Variants in LAMC2 observed in about 807,000 individuals in gnomAD.
The protein encoded by LAMC2 is laminin subunit gamma-2.
In LAMC2, 97 loss-of-function variants were observed where a neutral mutation model predicts 140.2. That is an observed-to-expected ratio of 0.69 (90% confidence interval 0.59 to 0.82). The LOEUF is 0.82. LAMC2 is among the 40% of genes least tolerant of loss of function. The probability of loss-of-function intolerance (pLI) is 0.00; values close to 1 mark genes in which losing one functional copy is unlikely to be tolerated. For missense variants in LAMC2, 1,402 were observed against 1,476.1 expected (o/e 0.95, Z 0.82); for synonymous variants, 513 against 540.2 (o/e 0.95, Z 0.70).
At chr1:183,255,531 T>C in the LAMC2 span, among the ~76,000 whole-genome samples, 1 of 152,212 alleles carries the variant, frequency 6.6e-6, no homozygotes, top group Non-Finnish European at 1.5e-5. Flanking sequence ...TTTAGCAATA[T>C]TAACTTTTCT....
downstream of LAMC2, chr1:183,248,734 C>T (rs2102264289): frequency 6.6e-6 from 1 of 152,296 alleles, no homozygotes; most frequent in East Asian, 1.9e-4. Flanking sequence ...AAAATCGGTC[C>T]CTGTTTCCAT....
At chr1:183,211,221 C>T (rs2102202271) in intron 2 of LAMC2, among the ~76,000 whole-genome samples, 1 of 152,304 alleles carries the variant, frequency 6.6e-6, no homozygotes, top group East Asian at 1.9e-4. Context: ...CTCTTCCAAC[C>T]ACATATTTAA....
chr1:183,198,939 A>T (rs1658613302), intron 1 of LAMC2, among the ~76,000 whole-genome samples: 1 of 151,994 alleles, frequency 6.6e-6, no homozygotes, highest in Admixed American at 6.6e-5. Flanking sequence ...TTCTGTTCCC[A>T]TCTCACCATG....
chr1:183,239,335 A>T (rs779587424), intron 19 of LAMC2, 29 bp from the exon 20 acceptor site: 10 of 1,607,332 alleles, frequency 6.2e-6, no homozygotes, highest in Non-Finnish European at 8.5e-6. Flanking sequence ...TTTCATCTTC[A>T]CGGCAGTTTT....
intron 1 of LAMC2, among the ~76,000 whole-genome samples, chr1:183,200,376 C>T (rs1378670152): frequency 6.8e-6 from 1 of 146,624 alleles, no homozygotes; most frequent in East Asian, 2.0e-4. Context: ...GGCGACAGAA[C>T]GAGACTCTGT....
chr1:183,200,548 G>C (rs1658675238), intron 1 of LAMC2, among the ~76,000 whole-genome samples: 1 of 152,152 alleles, frequency 6.6e-6, no homozygotes, highest in South Asian at 2.1e-4. Flanking sequence ...TACTGATGAT[G>C]ATTATTTCAA....
intron 1 of LAMC2, among the ~76,000 whole-genome samples, chr1:183,204,240 G>A (rs1015084863): frequency 1.1e-4 from 16 of 151,976 alleles, no homozygotes; most frequent in African/African-American, 3.6e-4. Context: ...GCAGTGACCC[G>A]TGATCACACC....
chr1:183,253,886 C>A, the LAMC2 span, among the ~76,000 whole-genome samples: 6 of 150,296 alleles, frequency 4.0e-5, no homozygotes, highest in African/African-American at 1.5e-4. Context: ...TTTTTTAAGT[C>A]GAATAATGTT....
In LAMC2 at chr1:183,243,344, A is replaced by G. The variant is rs374905927; in HGVS notation, c.3526A>G (p.Ile1176Val). ...ILADVKNLEN[I>V]RDNLPPGCYN... ...GGCTGATGTGAAGAACTTGGAGAAC[A>G]TTAGGGACAACCTGCCCCCAGGCTG... The change falls in exon 23 of 23, where the codon ATT becomes GTT. Residue 1176 changes from isoleucine to valine, a missense_variant. Physicochemically the swap from Ile to Val is conservative, Grantham distance 29 (BLOSUM62 3). Around this residue, in one of 3 missense-constraint regions of LAMC2, gnomAD observed 670 missense variants for 667.2 expected, o/e 1.00. Coordinates refer to ENST00000264144, the MANE Select transcript of LAMC2 (RefSeq NM_005562.3). The G allele has an allele frequency of 7.8e-5, 126 of 1,614,094 alleles. No homozygotes were observed. In the Middle Eastern group the frequency reaches 1.2e-3, roughly 15 times the overall value.
intron 1 of LAMC2, among the ~76,000 whole-genome samples, chr1:183,193,665 G>A (rs1254744021): frequency 6.6e-6 from 1 of 152,198 alleles, no homozygotes; most frequent in Non-Finnish European, 1.5e-5. Flanking sequence ...TGAAGCTGCT[G>A]CTCTTGCCCT....
At chr1:183,216,565 A>C (rs1210413387) in intron 3 of LAMC2, among the ~76,000 whole-genome samples, 1 of 152,070 alleles carries the variant, frequency 6.6e-6, no homozygotes, top group Non-Finnish European at 1.5e-5. Flanking sequence ...TCAAAGAGCC[A>C]AGTGCATGTG....
intron 4 of LAMC2, among the ~76,000 whole-genome samples, chr1:183,220,103 G>A (rs940868180): frequency 3.3e-5 from 5 of 152,182 alleles, no homozygotes; most frequent in African/African-American, 4.8e-5. Context: ...TAGTTAACTT[G>A]AGCAGAGGAC....
intron 1 of LAMC2, among the ~76,000 whole-genome samples, chr1:183,189,618 C>T (rs1028589927): frequency 6.6e-6 from 1 of 152,032 alleles, no homozygotes; most frequent in Admixed American, 6.6e-5. Context: ...ACGAGATTGC[C>T]TAGGATATGG....
intron 7 of LAMC2, 56 bp downstream of exon 7, chr1:183,223,380 G>A: frequency 6.6e-7 from 1 of 1,518,978 alleles, no homozygotes; most frequent in Non-Finnish European, 9.1e-7. Flanking sequence ...TGAAGTTCAA[G>A]TTTGTTCTTT....
At chr1:183,214,442 G>C (rs553354673) in intron 2 of LAMC2, among the ~76,000 whole-genome samples, 1 of 152,280 alleles carries the variant, frequency 6.6e-6, no homozygotes, top group East Asian at 1.9e-4. Flanking sequence ...TCCAGACTGA[G>C]GGAGCAGCAA....
Position 183,215,543 on chromosome 1 carries a change from T to C in LAMC2, c.359T>C (p.Phe120Ser), listed in dbSNP as rs1659226367. Reference protein sequence around the residue: ...GARCDRCLPGFHMLTDAGCTQ... With the variant: ...GARCDRCLPGSHMLTDAGCTQ... ...AGATGCGACCGATGTCTGCCAGGCT[T>C]CCACATGCTCACGGATGCGGGGTGC... Residue 120 changes from phenylalanine to serine, a missense_variant, in exon 3 of 23, where the codon TTC becomes TCC. Phe to Ser is a radical substitution (Grantham distance 155, BLOSUM62 -2). Coordinates refer to ENST00000264144, the MANE Select transcript of LAMC2 (RefSeq NM_005562.3). 1.9e-6 allele frequency: 3 copies of C among 1,614,192 alleles called. No homozygotes were observed. The East Asian group carries it at 6.7e-5, about 36-fold the overall frequency.
chr1:183,206,379 C>G (rs1266025004), intron 1 of LAMC2, among the ~76,000 whole-genome samples: 6 of 152,184 alleles, frequency 3.9e-5, no homozygotes, highest in African/African-American at 1.4e-4. Flanking sequence ...CACGGTGGCT[C>G]ACGCCTGTAA....
intron 14 of LAMC2, 93 bp downstream of exon 14, chr1:183,232,950 C>T: frequency 8.4e-7 from 1 of 1,194,652 alleles, no homozygotes; most frequent in South Asian, 1.2e-5. Flanking sequence ...CTCTCAGTGG[C>T]TCACTTTCTG....
the LAMC2 span, among the ~76,000 whole-genome samples, chr1:183,254,711 A>G: frequency 6.6e-6 from 1 of 152,214 alleles, no homozygotes; most frequent in East Asian, 1.9e-4. Context: ...TGCTGGGATT[A>G]TAGGTATGAG....
Sources: allele counts gnomAD v4.1 joint callset (sites outside exome capture counted in the v4.1 genomes callset), GRCh38; gene constraint gnomAD v4.1.1; regional missense constraint gnomAD v4.1.1; transcripts MANE v1.5; gene names NCBI Gene and HGNC (gene_info 2026-07-23, HGNC 2026-07-21).